KYNU: variants seen among roughly 807,000 people sequenced by gnomAD.
The protein encoded by KYNU is kynureninase.
A neutral mutation model predicts 59.2 loss-of-function variants in KYNU; 54 were observed. The ratio of observed to expected loss-of-function variants is 0.91; its 90% CI spans 0.73 to 1.14. KYNU has a LOEUF of 1.14. Among genes scored for constraint, KYNU ranks in the 50% most tolerant of loss-of-function variants. KYNU has a pLI of 0.00. For missense variants in KYNU, 567 were observed against 554.4 expected (o/e 1.02, Z -0.23); for synonymous variants, 177 against 192.0 (o/e 0.92, Z 0.65).
intron 4 of KYNU, among the ~76,000 whole-genome samples, chr2:142,952,950 A>G (rs922451248): frequency 7.2e-5 from 11 of 151,944 alleles, no homozygotes; most frequent in Non-Finnish European, 1.0e-4. Flanking sequence ...TGGTTTTCCA[A>G]ATAGATGTGT....
intron 10 of KYNU, among the ~76,000 whole-genome samples, chr2:143,003,292 G>A (rs71411389): frequency 6.6e-6 from 1 of 152,040 alleles, no homozygotes; most frequent in Admixed American, 6.6e-5. Flanking sequence ...AGCTGGGGGG[G>A]GTGGCTCACA....
intron 10 of KYNU, among the ~76,000 whole-genome samples, chr2:143,014,022 C>G (rs1686185139): frequency 6.6e-6 from 1 of 152,212 alleles, no homozygotes; most frequent in Non-Finnish European, 1.5e-5. Context: ...GCAGGAATTT[C>G]AAAATAGTCT....
chr2:142,950,066 T>A (rs921820289), intron 4 of KYNU, among the ~76,000 whole-genome samples: 29 of 152,014 alleles, frequency 1.9e-4, no homozygotes, highest in Admixed American at 3.9e-4. Flanking sequence ...ATAACAAGAG[T>A]CACCTTTGCT....
intron 2 of KYNU, among the ~76,000 whole-genome samples, chr2:142,888,991 C>CCATCTGAA (rs1237678507): frequency 6.6e-6 from 1 of 151,242 alleles, no homozygotes; most frequent in Non-Finnish European, 1.5e-5. Flanking sequence ...TGGTGAGGTG[C>CCATCTGAA]CATCTGAACA....
intron 2 of KYNU, among the ~76,000 whole-genome samples, chr2:142,908,216 T>C (rs968225050): frequency 6.6e-6 from 1 of 152,154 alleles, no homozygotes; most frequent in Non-Finnish European, 1.5e-5. Context: ...TGGGAAACAA[T>C]GTAATTTTCT....
At position 143,042,703 on chromosome 2, in the gene KYNU, G is replaced by A. The variant is rs1317694686; in HGVS notation, c.*531G>A. On this transcript the variant is annotated 3_prime_UTR_variant, in exon 14 of 14. Coordinates refer to ENST00000264170, the MANE Select transcript of KYNU (RefSeq NM_003937.3). ...TGATAGTGGCTTTCAAATTTTTTTG[G>A]GTACAATCCACATTGCTCCTGCTGA... 1 of 128,164 alleles carries A rather than the reference G, an allele frequency of 7.8e-6. No homozygotes were observed. The highest frequency in any genetic ancestry group is 1.7e-5 in the Non-Finnish European group (1 of 59,942). The allele number at this position is 128,164 out of a possible 1,614,324, so 7.9% of individuals were successfully genotyped here.
intron 12 of KYNU, among the ~76,000 whole-genome samples, chr2:143,037,828 C>T (rs1225012365): frequency 6.6e-6 from 1 of 152,058 alleles, no homozygotes; most frequent in African/African-American, 2.4e-5. Flanking sequence ...CCCTATTATT[C>T]TCTCTCAATA....
rs1175625746 is a variant in KYNU, at chr2:143,029,381, C to A, written c.903-246C>A. Among the ~76,000 whole-genome samples the A allele has an allele frequency of 3.3e-5, 5 of 152,066 alleles. No individual in the cohort carries two copies. The East Asian group carries it at 9.7e-4, about 29-fold the overall frequency. On this transcript the variant is annotated intron_variant, in intron 10 of 13. Transcript: ENST00000264170. The stretch of plus-strand genomic sequence containing the variant: ...CTGATGAATCACTTGAGCTCAGGAA[C>A]TCAAGACCAGCCTGGCCAACATGGT...
intron 4 of KYNU, among the ~76,000 whole-genome samples, chr2:142,952,980 G>A (rs1684040368): frequency 6.6e-6 from 1 of 152,026 alleles, no homozygotes. Flanking sequence ...AGGGAGTCAA[G>A]AGTAAGATCA....
In KYNU at chr2:143,040,426, A is replaced by T. The variant is rs1165373474; in HGVS notation, c.1042-2A>T. On this transcript the variant is annotated splice_acceptor_variant, in intron 12 of 13. Transcript: ENST00000264170. LOFTEE classifies it high-confidence loss of function. ...TTAATCTGATTGTTTCTCATTCCAC[A>T]GATCTTTAAGCAAGCGACAATGAAG... The T allele has an allele frequency of 1.9e-6, 3 of 1,607,254 alleles. No individual in the cohort carries two copies. The East Asian group carries it at 6.7e-5, about 36-fold the overall frequency.
intron 2 of KYNU, among the ~76,000 whole-genome samples, chr2:142,887,467 T>G (rs906344876): frequency 6.6e-6 from 1 of 152,008 alleles, no homozygotes; most frequent in African/African-American, 2.4e-5. Context: ...GCCAAAAGAA[T>G]TAAAAGCAAG....
chr2:142,963,630 G>T (rs560804149), intron 8 of KYNU, among the ~76,000 whole-genome samples: 1 of 152,198 alleles, frequency 6.6e-6, no homozygotes, highest in Non-Finnish European at 1.5e-5. Flanking sequence ...TGTCACATTG[G>T]GTATAAGGTT....
intron 7 of KYNU, 158 bp downstream of exon 7, chr2:142,957,873 A>G (rs1684222247): frequency 8.3e-6 from 5 of 605,808 alleles, no homozygotes; most frequent in Non-Finnish European, 1.5e-5. Flanking sequence ...CATTTTGCTT[A>G]AAATAGAGAA....
chr2:142,975,080 T>C (rs1236990606), intron 8 of KYNU, among the ~76,000 whole-genome samples: 1 of 152,116 alleles, frequency 6.6e-6, no homozygotes, highest in Admixed American at 6.6e-5. Context: ...CTGGAGACCA[T>C]GGCCCTAAAT....
chr2:143,036,558 T>C (rs951355797), intron 12 of KYNU, among the ~76,000 whole-genome samples: 3 of 152,236 alleles, frequency 2.0e-5, no homozygotes, highest in East Asian at 1.9e-4. Context: ...GGCAAATATT[T>C]AGGCTAAATT....
chr2:142,933,373 GT>G (rs1683289334), intron 4 of KYNU, among the ~76,000 whole-genome samples: 2 of 152,284 alleles, frequency 1.3e-5, no homozygotes, highest in South Asian at 4.1e-4. Flanking sequence ...GAAAGGTTGG[GT>G]AATAGGCTGT....
At chr2:143,013,182 A>C (rs1410997531) in intron 10 of KYNU, among the ~76,000 whole-genome samples, 1 of 152,100 alleles carries the variant, frequency 6.6e-6, no homozygotes, top group Non-Finnish European at 1.5e-5. Flanking sequence ...TACTTAGCAT[A>C]AGGTACTCCA....
chr2:142,951,383 G>A (rs1683985085), intron 4 of KYNU, among the ~76,000 whole-genome samples: 1 of 152,138 alleles, frequency 6.6e-6, no homozygotes, highest in African/African-American at 2.4e-5. Flanking sequence ...GTAAAACCCT[G>A]TCTCTACCAA....
In KYNU at chr2:143,042,227, T is replaced by G. The variant is rs1312892572; in HGVS notation, c.*55T>G. The G allele has an allele frequency of 2.0e-6, 3 of 1,529,998 alleles. No individual in the cohort carries two copies. In the East Asian group the frequency reaches 6.8e-5, roughly 35 times the overall value. 94.8% of individuals were successfully genotyped at this position (1,529,998 alleles called of 1,614,324 possible). On this transcript the variant is annotated 3_prime_UTR_variant, in exon 14 of 14. Coordinates refer to ENST00000264170, the MANE Select transcript of KYNU (RefSeq NM_003937.3). ...TATACTGAAAGCTGCTGTGGTTATT[T>G]CAGTATTATTCGATTTTTAATTATT...
Sources: allele counts gnomAD v4.1 joint callset (sites outside exome capture counted in the v4.1 genomes callset), GRCh38; gene constraint gnomAD v4.1.1; transcripts MANE v1.5; gene names NCBI Gene and HGNC (gene_info 2026-07-23, HGNC 2026-07-21).